Variants in MCPH1 observed in about 807,000 individuals in gnomAD.
The protein encoded by MCPH1 is microcephalin 1.
In MCPH1, 104 loss-of-function variants were observed where a neutral mutation model predicts 84.5. The ratio of observed to expected loss-of-function variants is 1.23; its 90% CI spans 1.05 to 1.45. The LOEUF is 1.45. MCPH1 is among the 40% of genes most tolerant of loss of function. The pLI, the probability that MCPH1 is intolerant of heterozygous loss-of-function variation, is 0.00. For synonymous variants in MCPH1, 514 were observed against 366.8 expected, an observed-to-expected ratio of 1.40 and a Z score of -4.58; for missense variants, 1,498 against 1,005.7, an observed-to-expected ratio of 1.49 and a Z score of -6.62.
chr8:6,534,104 G>T (rs1170198892), intron 12 of MCPH1, among the ~76,000 whole-genome samples: 2 of 152,226 alleles, frequency 1.3e-5, no homozygotes, highest in East Asian at 3.9e-4. Flanking sequence ...TTCTCCCGTG[G>T]ATATTGGATG....
intron 12 of MCPH1, among the ~76,000 whole-genome samples, chr8:6,567,058 G>A (rs1340661069): frequency 1.3e-5 from 2 of 149,384 alleles, no homozygotes; most frequent in Non-Finnish European, 3.0e-5. Flanking sequence ...CAAGGCCATG[G>A]ATAGTGCACG....
chr8:6,420,948 A>T (rs1054396256), intron 3 of MCPH1, among the ~76,000 whole-genome samples: 1 of 152,196 alleles, frequency 6.6e-6, no homozygotes, highest in African/African-American at 2.4e-5. Flanking sequence ...CAGAACAGAA[A>T]GAAAGGAAAG....
chr8:6,411,443 A>G (rs1212188232), intron 2 of MCPH1, among the ~76,000 whole-genome samples: 2 of 152,232 alleles, frequency 1.3e-5, no homozygotes, highest in Non-Finnish European at 1.5e-5. Context: ...CGTAAAGTGC[A>G]AGAGTGATGA....
intron 6 of MCPH1, 80 bp from the exon 7 acceptor site, chr8:6,441,987 A>G (rs1299177584): frequency 3.1e-5 from 29 of 933,694 alleles, no homozygotes; most frequent in Middle Eastern, 4.2e-4. Flanking sequence ...CCTATGATTA[A>G]TAGGAGGACT....
rs1004427855 is a variant in MCPH1 at position 6,627,063 on chromosome 8, C to T, written c.2452+5372C>T. On this transcript the variant is annotated intron_variant, in intron 13 of 13. Coordinates refer to ENST00000344683, the MANE Select transcript of MCPH1 (RefSeq NM_024596.5). ...AATTTGGTTTGAACATGTCCCATGT[C>T]GATGTTTTCAGGAAAAAGATCCGAT... 25 of 985,074 alleles carry T rather than the reference C, an allele frequency of 2.5e-5. No homozygotes were observed. The African/African-American group carries it at 3.5e-4, about 14-fold the overall frequency. The allele number at this position is 985,074 out of a possible 1,614,324, so 61.0% of individuals were successfully genotyped here. A position where few individuals can be genotyped will look rare whatever the true frequency, so the allele number is the denominator to read the frequency against.
At chr8:6,525,814 G>T (rs2515460) in intron 12 of MCPH1, among the ~76,000 whole-genome samples, 12,681 of 152,050 alleles carry the variant, frequency 0.083, 698 homozygotes, top group African/African-American at 0.15. Context: ...GATTTCTACA[G>T]CTGATGAGAA....
chr8:6,555,465 CTTTT>C (rs530250678), intron 12 of MCPH1, among the ~76,000 whole-genome samples: 1 of 142,632 alleles, frequency 7.0e-6, no homozygotes, highest in Non-Finnish European at 1.5e-5. Flanking sequence ...GTGGTTTGCC[CTTTT>C]TTTTTTTTTG....
intron 12 of MCPH1, among the ~76,000 whole-genome samples, chr8:6,584,379 C>G (rs569372027): frequency 6.6e-6 from 1 of 152,190 alleles, no homozygotes; most frequent in African/African-American, 2.4e-5. Context: ...TAGTCGCCCC[C>G]AAAACATATA....
chr8:6,466,603 AG>A (rs1232825585), intron 9 of MCPH1, among the ~76,000 whole-genome samples: 1 of 147,472 alleles, frequency 6.8e-6, no homozygotes, highest in Non-Finnish European at 1.5e-5. Context: ...CACCACGCGC[AG>A]CCCTTTTTTT....
At chr8:6,537,967 A>G (rs972530449) in intron 12 of MCPH1, among the ~76,000 whole-genome samples, 1 of 152,154 alleles carries the variant, frequency 6.6e-6, no homozygotes, top group Non-Finnish European at 1.5e-5. Context: ...GTGGACAAAA[A>G]CTAATTAATC....
At position 6,555,572 on chromosome 8, in the gene MCPH1, C is replaced by T. The variant is rs564639359; in HGVS notation, c.2214+55643C>T. ...TGCCTCCTGGGTTCAAATGATCCAC[C>T]CACCTCATCCTCCTGAGTAGCTGAG... On this transcript the variant is annotated intron_variant, in intron 12 of 13. Transcript: ENST00000344683. Among the ~76,000 whole-genome samples the T allele has an allele frequency of 2.0e-5, 3 of 151,954 alleles. No homozygotes were observed. The South Asian group carries it at 6.2e-4, about 32-fold the overall frequency.
intron 9 of MCPH1, among the ~76,000 whole-genome samples, chr8:6,472,037 C>T (rs530670336): frequency 3.4e-4 from 51 of 152,138 alleles, no homozygotes; most frequent in African/African-American, 1.0e-3. Flanking sequence ...ACAGAGTCAA[C>T]CCAAAAAAGT....
intron 12 of MCPH1, among the ~76,000 whole-genome samples, chr8:6,579,331 A>G (rs1391517722): frequency 6.6e-6 from 1 of 152,188 alleles, no homozygotes; most frequent in Non-Finnish European, 1.5e-5. Flanking sequence ...TTATCAAAGA[A>G]AGATTGCTTT....
chr8:6,575,220 C>T (rs1301516868), intron 12 of MCPH1, among the ~76,000 whole-genome samples: 3 of 152,206 alleles, frequency 2.0e-5, no homozygotes, highest in African/African-American at 7.2e-5. Context: ...ATCTCAATGC[C>T]AGCCTCATTA....
intron 12 of MCPH1, among the ~76,000 whole-genome samples, chr8:6,587,311 A>G (rs944721301): frequency 2.6e-5 from 4 of 151,998 alleles, no homozygotes; most frequent in African/African-American, 9.7e-5. Flanking sequence ...AGACATTTCT[A>G]TCCCAAGATC....
chr8:6,594,797 A>G (rs1050127633), intron 12 of MCPH1, among the ~76,000 whole-genome samples: 4 of 152,274 alleles, frequency 2.6e-5, no homozygotes, highest in Non-Finnish European at 5.9e-5. Context: ...GGAGGCATAC[A>G]TATGTCAGAA....
chr8:6,499,939 A>G lies in MCPH1; in HGVS notation c.2214+10A>G, dbSNP rs1172413962. ...CTTCCCTGCAGCTCCCGTAAGTCAG[A>G]TGTTGTTTTACGATGGTAAATGCAG... On this transcript the variant is annotated intron_variant, in intron 12 of 13. Coordinates refer to ENST00000344683, the MANE Select transcript of MCPH1 (RefSeq NM_024596.5). The G allele has an allele frequency of 2.5e-6, 4 of 1,610,802 alleles. No individual in the cohort carries two copies. Among genetic ancestry groups the G allele is most frequent in the South Asian group, 2.2e-5 (2 of 91,014 alleles).
In MCPH1 at chr8:6,496,525, G is replaced by GC. The variant is rs1157842445; in HGVS notation, c.2137-3321dup. The stretch of plus-strand genomic sequence containing the variant: ...ACTTTCGCCACACGGAAGCCCCCCC[G>GC]CCCCCCTTCCCCCGCCTTTTTCCTT... On this transcript the variant is annotated intron_variant, in intron 11 of 13. Coordinates refer to ENST00000344683, the MANE Select transcript of MCPH1 (RefSeq NM_024596.5). 4.8e-5 allele frequency among the ~76,000 whole-genome samples: 6 copies of GC among 125,562 alleles called. No individual in the cohort carries two copies. The South Asian group carries it at 1.1e-3, about 23-fold the overall frequency. 82.4% of individuals were successfully genotyped at this position (125,562 alleles called of 152,430 possible). A position where few individuals can be genotyped will look rare whatever the true frequency, so the allele number is the denominator to read the frequency against.
intron 12 of MCPH1, among the ~76,000 whole-genome samples, chr8:6,537,343 G>T (rs953775667): frequency 6.6e-6 from 1 of 152,012 alleles, no homozygotes; most frequent in African/African-American, 2.4e-5. Flanking sequence ...GGCAAAGTGT[G>T]GGGCCTTGGG....
Sources: gnomAD v4.1 joint callset for allele counts (sites outside exome capture counted in the v4.1 genomes callset) on GRCh38, gnomAD v4.1.1 for gene constraint, MANE v1.5 for transcripts, NCBI Gene and HGNC (gene_info 2026-07-23, HGNC 2026-07-21) for gene names.